The following CNTN5 variants were observed in gnomAD, a reference collection of about 807,000 sequenced individuals.
The protein encoded by CNTN5 is contactin 5, also known as contactin-5.
In CNTN5, 77 loss-of-function variants were observed where a neutral mutation model predicts 129.1. The ratio of observed to expected loss-of-function variants is 0.60; its 90% confidence interval spans 0.50 to 0.72. CNTN5 has a LOEUF of 0.72. CNTN5 is among the 30% of genes least tolerant of loss of function. The pLI, the probability that CNTN5 is intolerant of heterozygous loss-of-function variation, is 0.00. For missense variants in CNTN5, 1,478 were observed against 1,328.8 expected (o/e 1.11, Z -1.75); for synonymous variants, 509 against 465.6 (o/e 1.09, Z -1.20).
intron 1 of CNTN5, among the ~76,000 whole-genome samples, chr11:99,047,401 A>G (rs1243354076): frequency 6.6e-6 from 1 of 151,716 alleles, no homozygotes; most frequent in African/African-American, 2.4e-5. Flanking sequence ...AAAAAACCAA[A>G]AAAGTGTATG....
At chr11:99,239,945 A>AC (rs1467062678) in intron 1 of CNTN5, among the ~76,000 whole-genome samples, 30 of 152,126 alleles carry the variant, frequency 2.0e-4, no homozygotes, top group South Asian at 1.2e-3. Flanking sequence ...TCAAAAAAAA[A>AC]AAAAAAAAAA....
chr11:99,156,194 A>G (rs1860324238), intron 1 of CNTN5, among the ~76,000 whole-genome samples: 1 of 152,070 alleles, frequency 6.6e-6, no homozygotes, highest in African/African-American at 2.4e-5. Flanking sequence ...AAAAGATTGT[A>G]TAAAATACAG....
At chr11:100,062,850 C>A (rs1943537897) in intron 10 of CNTN5, among the ~76,000 whole-genome samples, 1 of 152,122 alleles carries the variant, frequency 6.6e-6, no homozygotes, top group South Asian at 2.1e-4. Flanking sequence ...ATCATTAAGA[C>A]AACGCTCTCT....
intron 9 of CNTN5, among the ~76,000 whole-genome samples, chr11:100,007,502 A>T (rs1565782703): frequency 6.6e-6 from 1 of 152,194 alleles, no homozygotes; most frequent in East Asian, 1.9e-4. Flanking sequence ...TTGCTACTTC[A>T]CCTTCCACTT....
At chr11:99,277,316 A>G in intron 1 of CNTN5, among the ~76,000 whole-genome samples, 1 of 151,682 alleles carries the variant, frequency 6.6e-6, no homozygotes, top group Non-Finnish European at 1.5e-5. Flanking sequence ...CCAGCAGTTG[A>G]ATACTAATAA....
intron 13 of CNTN5, among the ~76,000 whole-genome samples, chr11:100,112,648 A>G (rs1945694354): frequency 6.6e-6 from 1 of 152,144 alleles, no homozygotes; most frequent in Non-Finnish European, 1.5e-5. Flanking sequence ...TAACTAGGGT[A>G]ATAAAAATAT....
intron 3 of CNTN5, among the ~76,000 whole-genome samples, chr11:99,780,932 G>C (rs914019528): frequency 6.6e-6 from 1 of 152,054 alleles, no homozygotes; most frequent in African/African-American, 2.4e-5. Context: ...TGTAGATCAG[G>C]AAGGGAAAGG....
chr11:99,079,971 T>C lies in CNTN5; in HGVS notation c.-210+58701T>C, dbSNP rs148683248. ...TGTTTTCTCTTCTATCCTTGAACTATGTGTGGACAGGAACAGAGTACTGTT... is the reference window on the plus strand; with the variant it reads ...TGTTTTCTCTTCTATCCTTGAACTACGTGTGGACAGGAACAGAGTACTGTT... On this transcript the variant is annotated intron_variant, in intron 1 of 24. Coordinates refer to ENST00000524871, the MANE Select transcript of CNTN5 (RefSeq NM_014361.4). Among the ~76,000 whole-genome samples, 258 of 152,332 alleles carry C rather than the reference T, an allele frequency of 1.7e-3. 2 individuals carry two copies. Among genetic ancestry groups the C allele is most frequent in the Middle Eastern group, 3.4e-3 (1 of 294 alleles).
intron 7 of CNTN5, among the ~76,000 whole-genome samples, chr11:99,923,896 C>G (rs991865522): frequency 1.3e-5 from 2 of 151,988 alleles, no homozygotes; most frequent in African/African-American, 2.4e-5. Context: ...CAAGCGATTC[C>G]CCTGCCTCAG....
intron 13 of CNTN5, among the ~76,000 whole-genome samples, chr11:100,116,862 C>T (rs1945856935): frequency 6.6e-6 from 1 of 151,758 alleles, no homozygotes; most frequent in African/African-American, 2.4e-5. Context: ...TGGTATATAG[C>T]AAAGTGAATG....
At chr11:100,044,279 G>A (rs755853463) in intron 9 of CNTN5, among the ~76,000 whole-genome samples, 12 of 151,858 alleles carry the variant, frequency 7.9e-5, no homozygotes, top group African/African-American at 1.5e-4. Context: ...CAACAGTCCC[G>A]TGATAAACAT....
intron 18 of CNTN5, among the ~76,000 whole-genome samples, chr11:100,290,223 C>T (rs553542148): frequency 1.3e-5 from 2 of 151,512 alleles, no homozygotes; most frequent in Non-Finnish European, 3.0e-5. Flanking sequence ...ATCAAGCTAC[C>T]AATGCCTTTC....
intron 8 of CNTN5, among the ~76,000 whole-genome samples, chr11:99,970,289 A>G (rs922954144): frequency 5.9e-5 from 9 of 152,228 alleles, no homozygotes; most frequent in Non-Finnish European, 1.0e-4. Flanking sequence ...AGATTGTAGC[A>G]AAGAAGTGAG....
intron 3 of CNTN5, among the ~76,000 whole-genome samples, chr11:99,771,500 A>G (rs1044717033): frequency 1.3e-5 from 2 of 152,112 alleles, no homozygotes; most frequent in Non-Finnish European, 2.9e-5. Flanking sequence ...ATTTGTGATG[A>G]GATTAATGAA....
intron 10 of CNTN5, among the ~76,000 whole-genome samples, chr11:100,068,477 T>A (rs977304162): frequency 2.0e-5 from 3 of 152,142 alleles, no homozygotes; most frequent in Non-Finnish European, 4.4e-5. Context: ...ATACAGTGTG[T>A]GCTTGGGAGA....
At chr11:99,304,021 G>A (rs1052306168) in intron 1 of CNTN5, among the ~76,000 whole-genome samples, 3 of 152,114 alleles carry the variant, frequency 2.0e-5, no homozygotes, top group African/African-American at 7.2e-5. Flanking sequence ...TCAACACCAA[G>A]TCCTTTGTCT....
intron 23 of CNTN5, among the ~76,000 whole-genome samples, chr11:100,344,340 T>C (rs1453775303): frequency 2.0e-5 from 3 of 152,186 alleles, no homozygotes; most frequent in Non-Finnish European, 2.9e-5. Flanking sequence ...AAAAAGTAGA[T>C]ATTTTCCCCA....
At chr11:99,126,042 G>T (rs1005239373) in intron 1 of CNTN5, among the ~76,000 whole-genome samples, 1 of 151,970 alleles carries the variant, frequency 6.6e-6, no homozygotes, top group Non-Finnish European at 1.5e-5. Flanking sequence ...TTATTTATTG[G>T]CTATGATCTG....
At chr11:99,768,472 C>T (rs1050882088) in intron 3 of CNTN5, among the ~76,000 whole-genome samples, 1 of 152,110 alleles carries the variant, frequency 6.6e-6, no homozygotes, top group Admixed American at 6.6e-5. Context: ...TTGCCTGACT[C>T]AGCATCCAGT....
Sources: allele counts gnomAD v4.1 joint callset (sites outside exome capture counted in the v4.1 genomes callset), GRCh38; gene constraint gnomAD v4.1.1; transcripts MANE v1.5; gene names NCBI Gene and HGNC (gene_info 2026-07-23, HGNC 2026-07-21).